Variants in VCAN observed in about 807,000 individuals in gnomAD.
VCAN encodes versican core protein.
Under a neutral mutation model 245.5 loss-of-function variants are expected in VCAN, and 44 were observed. The ratio of observed to expected loss-of-function variants is 0.18; its 90% confidence interval spans 0.14 to 0.23. VCAN has a LOEUF of 0.23. Among genes scored for constraint, VCAN ranks in the 10% least tolerant of loss-of-function variants. The pLI, the probability that VCAN is intolerant of heterozygous loss-of-function variation, is 1.00. For synonymous variants in VCAN, 1,413 were observed against 1,437.0 expected (o/e 0.98, Z 0.38); for missense variants, 3,793 against 4,057.9 (o/e 0.93, Z 1.77).
rs543403709 is a variant in VCAN at position 83,471,910 on chromosome 5, C to A, written c.-120C>A. ...TTCCAGCACCGTCCCGCACCCTCCG[C>A]ATCCTTCCCCGGGCCACCACGCTTC... is the stretch of plus-strand genomic sequence containing the variant. On this transcript the variant is annotated 5_prime_UTR_variant, in exon 1 of 15. Transcript: ENST00000265077. 9 of 393,900 alleles carry A rather than the reference C, an allele frequency of 2.3e-5. No homozygotes were observed. Among genetic ancestry groups the A allele is most frequent in the Admixed American group, 4.4e-5 (1 of 22,560 alleles). 24.4% of individuals were successfully genotyped at this position (393,900 alleles called of 1,614,324 possible).
At chr5:83,557,142 CTGAGCCTAGAATAGCTGCATT>C (rs1747702914) in intron 12 of VCAN, among the ~76,000 whole-genome samples, 2 of 152,176 alleles carry the variant, frequency 1.3e-5, no homozygotes, top group South Asian at 4.2e-4. Context: ...GATTCCAGCC[CTGAGCCTAGAATAGCTGCATT>C]TGGCCAGGTG....
At chr5:83,489,616 A>G (rs1697022903) in intron 2 of VCAN, among the ~76,000 whole-genome samples, 1 of 152,096 alleles carries the variant, frequency 6.6e-6, no homozygotes, top group Non-Finnish European at 1.5e-5. Flanking sequence ...TTTTCACTTC[A>G]TCTTTGAATT....
At chr5:83,518,605 A>G (rs991856682) in intron 6 of VCAN, among the ~76,000 whole-genome samples, 2 of 152,234 alleles carry the variant, frequency 1.3e-5, no homozygotes, top group Non-Finnish European at 2.9e-5. Context: ...CAAAATGTAG[A>G]ACTACAACAA....
chr5:83,572,572 C>A lies in VCAN; in HGVS notation c.9880+12C>A. On this transcript the variant is annotated intron_variant, in intron 13 of 14. Transcript: ENST00000265077. ...CAAGAAAGGAACAGGTAATGATCAC[C>A]CTGTTAATAATGTGTACTTAATCTT... 6.2e-7 allele frequency: 1 copy of A among 1,613,428 alleles called. No homozygotes were observed. The highest frequency in any genetic ancestry group is 8.5e-7 in the Non-Finnish European group (1 of 1,179,646).
chr5:83,521,186 C>T lies in VCAN; in HGVS notation c.2880C>T (p.Thr960=), dbSNP rs1746080851. ...TAGCATTTGTTAGTTATAGTAGCAC[C>T]CAAGAGCCTACTACTTATGTAGACT... ...EGLAFVSYSS[T]QEPTTYVDSS... is the part of the protein sequence containing the mutation. Residue 960 remains threonine, a synonymous_variant, in exon 7 of 15, where the codon ACC becomes ACT. Coordinates refer to ENST00000265077, the MANE Select transcript of VCAN (RefSeq NM_004385.5). The T allele has an allele frequency of 6.2e-7, 1 of 1,613,418 alleles. No homozygotes were observed. Among genetic ancestry groups the T allele is most frequent in the African/African-American group, 1.3e-5 (1 of 75,018 alleles).
At chr5:83,507,337 T>C (rs1023365386) in intron 5 of VCAN, among the ~76,000 whole-genome samples, 2 of 152,224 alleles carry the variant, frequency 1.3e-5, no homozygotes, top group African/African-American at 4.8e-5. Context: ...GGAGCAGAGA[T>C]AGAACACAAC....
intron 6 of VCAN, among the ~76,000 whole-genome samples, chr5:83,517,822 G>T (rs898167850): frequency 6.6e-6 from 1 of 152,078 alleles, no homozygotes; most frequent in African/African-American, 2.4e-5. Flanking sequence ...AATGTAAATA[G>T]CCCTCAAATG....
chr5:83,529,585 A>G (rs1746442162), intron 7 of VCAN, among the ~76,000 whole-genome samples: 2 of 152,114 alleles, frequency 1.3e-5, no homozygotes, highest in Non-Finnish European at 2.9e-5. Context: ...GTATCCTCCT[A>G]GAACCAATCC....
intron 13 of VCAN, among the ~76,000 whole-genome samples, chr5:83,576,432 C>T (rs1175048907): frequency 6.6e-6 from 1 of 151,896 alleles, no homozygotes; most frequent in Non-Finnish European, 1.5e-5. Context: ...TATTGTATTT[C>T]TTGTATAACT....
At chr5:83,547,858 C>A (rs1747293317) in intron 9 of VCAN, 113 bp from the exon 10 acceptor site, 1 of 801,356 alleles carries the variant, frequency 1.2e-6, no homozygotes, top group Non-Finnish European at 2.2e-6. Flanking sequence ...TTTTTAAAAT[C>A]TGAAATTCAA....
chr5:83,513,121 A>G (rs1464935934), intron 6 of VCAN, among the ~76,000 whole-genome samples: 1 of 152,156 alleles, frequency 6.6e-6, no homozygotes, highest in Non-Finnish European at 1.5e-5. Context: ...TAATTTTAGC[A>G]GTAGTAGTCA....
Position 83,493,843 on chromosome 5 carries a change from T to C in VCAN, c.660T>C (p.Asp220=), listed in dbSNP as rs912342245. The change falls in exon 5 of 15, where the codon GAT becomes GAC. Residue 220 remains aspartate, a synonymous_variant. Coordinates refer to ENST00000265077, the MANE Select transcript of VCAN (RefSeq NM_004385.5). ...IRAPRVGCYG[D]KMGKAGVRTY... ...CTCCCAGAGTAGGCTGTTATGGAGA[T>C]AAGATGGGAAAGGCAGGAGTCAGGA... 29 of 1,614,106 alleles carry C rather than the reference T, an allele frequency of 1.8e-5. No homozygotes were observed. In the Middle Eastern group the frequency reaches 1.2e-3, roughly 64 times the overall value.
intron 6 of VCAN, among the ~76,000 whole-genome samples, chr5:83,515,199 C>G (rs914720065): frequency 6.6e-6 from 1 of 152,184 alleles, no homozygotes; most frequent in African/African-American, 2.4e-5. Context: ...AATGATTAAA[C>G]AATTTTGCAT....
chr5:83,536,937 C>T (rs1487318873), intron 7 of VCAN, 70 bp from the exon 8 acceptor site: 25 of 1,352,154 alleles, frequency 1.8e-5, no homozygotes, highest in Middle Eastern at 5.1e-4. Context: ...ACCAGCCTTG[C>T]TATCAATTTC....
intron 6 of VCAN, among the ~76,000 whole-genome samples, chr5:83,515,006 G>A (rs745391129): frequency 5.9e-5 from 9 of 152,044 alleles, no homozygotes; most frequent in Admixed American, 6.6e-5. Context: ...TAAGTCACTT[G>A]GTGAATAAAC....
At chr5:83,533,212 C>T (rs1387486501) in intron 7 of VCAN, among the ~76,000 whole-genome samples, 1 of 152,098 alleles carries the variant, frequency 6.6e-6, no homozygotes, top group South Asian at 2.1e-4. Context: ...GATGAAACTG[C>T]ATAATACATT....
At position 83,514,508 on chromosome 5, in the gene VCAN, T is replaced by C. The variant is rs1745781484; in HGVS notation, c.1042+2112T>C. On this transcript the variant is annotated intron_variant, in intron 6 of 14. Coordinates refer to ENST00000265077, the MANE Select transcript of VCAN (RefSeq NM_004385.5). ...TCTTGTTGCCCAGGCTGGAGTGCAA[T>C]GGTGCCATCTCAGCTCACTGCAAGC... Among the ~76,000 whole-genome samples the C allele has an allele frequency of 2.0e-5, 3 of 151,118 alleles. No individual in the cohort carries two copies. In the South Asian group the frequency reaches 6.3e-4, roughly 32 times the overall value.
rs76418670 is a variant in VCAN, at chr5:83,520,465, T to C, written c.2159T>C (p.Val720Ala). 3.1e-3 allele frequency: 5,054 copies of C among 1,613,766 alleles called. 16 individuals carry two copies. Among genetic ancestry groups the C allele is most frequent in the Non-Finnish European group, 3.9e-3 (4,656 of 1,179,890 alleles). ...TTTATGGGAAAAACAGAAGAAGAAG[T>C]CTTCTCTGGGATGAAACTCTCTACA... ...SPFMGKTEEEVFSGMKLSTSL... is the reference protein window; with the variant it reads ...SPFMGKTEEEAFSGMKLSTSL... Residue 720 changes from valine (V) to alanine (A), a missense_variant, in exon 7 of 15, where the codon GTC (valine) becomes GCC (alanine). Coordinates refer to ENST00000265077, the MANE Select transcript of VCAN (RefSeq NM_004385.5).
chr5:83,572,383 G>C, intron 12 of VCAN, 33 bp from the exon 13 acceptor site: 1 of 1,613,376 alleles, frequency 6.2e-7, no homozygotes, highest in Non-Finnish European at 8.5e-7. Context: ...TTTTTGACTA[G>C]CAAGTAGTTA....
Sources: allele counts gnomAD v4.1 joint callset (sites outside exome capture counted in the v4.1 genomes callset), GRCh38; gene constraint gnomAD v4.1.1; transcripts MANE v1.5; gene names NCBI Gene and HGNC (gene_info 2026-07-23, HGNC 2026-07-21).